NHERF2: variants seen among roughly 807,000 people sequenced by gnomAD.
The protein encoded by NHERF2 is NHERF family PDZ scaffold protein 2.
chr16:2,037,698 T>G, the NHERF2 span: 1 of 1,558,312 alleles, frequency 6.4e-7, no homozygotes, highest in Non-Finnish European at 8.7e-7. Context: ...GGGGTCTCTG[T>G]TCAGGAAGTC....
At chr16:2,033,650 G>T in the NHERF2 span, among the ~76,000 whole-genome samples, 1 of 152,220 alleles carries the variant, frequency 6.6e-6, no homozygotes, top group Non-Finnish European at 1.5e-5. Context: ...ATGGCTGGGG[G>T]ACCAGGGATG....
the NHERF2 span, chr16:2,035,516 C>T: frequency 3.0e-6 from 3 of 986,322 alleles, no homozygotes; most frequent in Admixed American, 6.1e-5. Flanking sequence ...GCTTGGCGCT[C>T]CCTGGAAACC....
At chr16:2,035,780 GC>G in the NHERF2 span, 1 of 731,736 alleles carries the variant, frequency 1.4e-6, no homozygotes, top group Non-Finnish European at 1.7e-6. Flanking sequence ...CTAAGCTCCT[GC>G]CCCAGCCCCT....
the NHERF2 span, chr16:2,027,137 C>G: frequency 1.4e-6 from 2 of 1,473,668 alleles, no homozygotes; most frequent in Non-Finnish European, 1.8e-6. Flanking sequence ...CCGGTTCCCC[C>G]GCCGAGGCCG....
chr16:2,030,427 C>T, the NHERF2 span, among the ~76,000 whole-genome samples: 3 of 152,138 alleles, frequency 2.0e-5, no homozygotes, highest in Non-Finnish European at 4.4e-5. Flanking sequence ...GGTAGTACTT[C>T]CTCCTTCCCC....
At chr16:2,035,358 A>T in the NHERF2 span, 1,453 of 953,622 alleles carry the variant, frequency 1.5e-3, no homozygotes, top group Non-Finnish European at 1.6e-3. Context: ...TGCCCTCCTG[A>T]GGTCTGAGCG....
the NHERF2 span, among the ~76,000 whole-genome samples, chr16:2,033,706 G>A: frequency 2.0e-5 from 3 of 152,124 alleles, no homozygotes; most frequent in African/African-American, 4.8e-5. Context: ...CCTGGAGCCC[G>A]TGGGAGCCCG....
the NHERF2 span, chr16:2,038,257 G>C: frequency 2.6e-5 from 15 of 574,432 alleles, no homozygotes; most frequent in South Asian, 1.6e-4. Flanking sequence ...GAGAGACAGA[G>C]AGAGAGCGAG....
the NHERF2 span, chr16:2,032,695 G>A: frequency 5.1e-5 from 24 of 468,418 alleles, no homozygotes; most frequent in Non-Finnish European, 6.7e-5. The surrounding 1 kb of genome is among the most constrained non-coding windows in gnomAD (Gnocchi z 4.0). Context: ...GGCCGTGAAG[G>A]CCTAGTTAGT....
chr16:2,037,711 C>T, the NHERF2 span: 21 of 1,553,210 alleles, frequency 1.4e-5, no homozygotes, highest in East Asian at 1.2e-4. Context: ...AGGAAGTCCT[C>T]GTGAGCCCCA....
the NHERF2 span, chr16:2,038,003 C>A: frequency 1.2e-6 from 2 of 1,612,944 alleles, no homozygotes; most frequent in East Asian, 2.2e-5. Flanking sequence ...CTGCCTGTCT[C>A]GGGACCCTGG....
At chr16:2,033,329 C>G in the NHERF2 span, 1 of 1,533,116 alleles carries the variant, frequency 6.5e-7, no homozygotes, top group Admixed American at 2.0e-5. Context: ...ACGCCTGCCA[C>G]TTGCTGTCAC....
the NHERF2 span, chr16:2,029,575 G>A: frequency 1.9e-6 from 3 of 1,562,780 alleles, no homozygotes; most frequent in Non-Finnish European, 2.6e-6. Context: ...TCGCCCATTC[G>A]CCCCAGGTGG....
At chr16:2,031,345 G>C in the NHERF2 span, among the ~76,000 whole-genome samples, 1 of 152,184 alleles carries the variant, frequency 6.6e-6, no homozygotes, top group African/African-American at 2.4e-5. Context: ...CCTGTCTCCA[G>C]GCTGAGGGTT....
At chr16:2,034,910 C>T in the NHERF2 span, among the ~76,000 whole-genome samples, 2 of 152,212 alleles carry the variant, frequency 1.3e-5, no homozygotes, top group African/African-American at 2.4e-5. Context: ...AGCCTTGAAG[C>T]CCCACGCCTG....
At chr16:2,033,084 A>G in the NHERF2 span, 1 of 985,318 alleles carries the variant, frequency 1.0e-6, no homozygotes, top group Non-Finnish European at 1.2e-6. Flanking sequence ...GTCCTGGGGC[A>G]GGGCAGGGCC....
the NHERF2 span, chr16:2,037,553 G>C: frequency 1.2e-6 from 2 of 1,612,094 alleles, no homozygotes; most frequent in South Asian, 2.2e-5. Flanking sequence ...TGGTGGCTCT[G>C]CGTGCTCGTC....
chr16:2,037,833 G>C, the NHERF2 span: 1 of 1,588,976 alleles, frequency 6.3e-7, no homozygotes, highest in Non-Finnish European at 8.6e-7. Context: ...CAGGATGGCA[G>C]TGCCTGGAAG....
chr16:2,032,409 C>T, the NHERF2 span, among the ~76,000 whole-genome samples: 2 of 152,240 alleles, frequency 1.3e-5, no homozygotes, highest in Admixed American at 1.3e-4. This position sits in a 1 kb window ranked among gnomAD's most constrained non-coding sequence, Gnocchi z 4.0. Context: ...TCAGATCCTG[C>T]CCTTCTCAGC....
Sources: gnomAD v4.1 joint callset for allele counts (sites outside exome capture counted in the v4.1 genomes callset) on GRCh38, gnomAD v4.1.1 for gene constraint, Gnocchi (gnomAD v3.1) non-coding constraint, MANE v1.5 for transcripts, NCBI Gene and HGNC (gene_info 2026-07-23, HGNC 2026-07-21) for gene names.